Variants in PAK2 observed in about 807,000 individuals in gnomAD.
PAK2 encodes p21 (RAC1) activated kinase 2.
PAK2 carries 21 observed loss-of-function variants against 65.9 expected under a neutral mutation model. The ratio of observed to expected loss-of-function variants is 0.32; its 90% CI spans 0.23 to 0.46. The LOEUF (loss-of-function observed/expected upper bound fraction) is 0.46, where lower values mean the gene tolerates loss of function less well. PAK2 is among the 20% of genes least tolerant of loss of function. PAK2 has a pLI of 1.00. For missense variants in PAK2, 324 were observed against 642.6 expected, an observed-to-expected ratio of 0.50 and a Z score of 5.36; for synonymous variants, 204 against 219.7, an observed-to-expected ratio of 0.93 and a Z score of 0.63.
intron 1 of PAK2, among the ~76,000 whole-genome samples, chr3:196,741,055 T>C (rs1018551518): frequency 6.6e-6 from 1 of 152,238 alleles, no homozygotes; most frequent in African/African-American, 2.4e-5. Context: ...CCGGTTGATA[T>C]CATTATCTCA....
intron 11 of PAK2, among the ~76,000 whole-genome samples, chr3:196,815,489 CAAA>C (rs796383290): frequency 3.1e-5 from 3 of 96,202 alleles, no homozygotes; most frequent in Non-Finnish European, 4.4e-5. Context: ...AAGATTGTCT[CAAA>C]AAAAAAAAAA....
At position 196,807,901 on chromosome 3, in the gene PAK2, T is replaced by G; in HGVS notation, c.696T>G (p.Ile232Met). The G allele has an allele frequency of 6.3e-7, 1 of 1,586,898 alleles. No individual in the cohort carries two copies. The highest frequency in any genetic ancestry group is 1.1e-5 in the South Asian group (1 of 90,090). ...AGACTAAGATGACAGATGAAGAGATTATGGAGAAATTAAGTATGTTATCTA... is the reference window on the plus strand; with the variant it reads ...AGACTAAGATGACAGATGAAGAGATGATGGAGAAATTAAGTATGTTATCTA... ...KKKTKMTDEE[I>M]MEKLRTIVSI... The change falls in exon 7 of 15, where the codon ATT becomes ATG. Residue 232 changes from isoleucine (I) to methionine (M), a missense_variant. Around this residue, in one of 5 missense-constraint regions of PAK2, gnomAD observed 183 missense variants for 246.2 expected, o/e 0.74. Coordinates refer to ENST00000327134, the MANE Select transcript of PAK2 (RefSeq NM_002577.4).
At chr3:196,792,307 A>G (rs1011660951) in intron 2 of PAK2, among the ~76,000 whole-genome samples, 1 of 152,236 alleles carries the variant, frequency 6.6e-6, no homozygotes, top group Non-Finnish European at 1.5e-5. Context: ...TATGTAGGGT[A>G]TTCCGTTAGA....
At chr3:196,818,193 T>C (rs751426586) in intron 12 of PAK2, 37 bp downstream of exon 12, 6 of 809,360 alleles carry the variant, frequency 7.4e-6, no homozygotes, top group Non-Finnish European at 1.3e-5. Context: ...TCATTTATTA[T>C]AATTTTCTGC....
chr3:196,796,539 T>C (rs573396758), intron 2 of PAK2, among the ~76,000 whole-genome samples: 1 of 152,194 alleles, frequency 6.6e-6, no homozygotes, highest in African/African-American at 2.4e-5. Flanking sequence ...CTAAATATAC[T>C]AAAACCCATT....
At chr3:196,794,744 A>AG (rs1715193268) in intron 2 of PAK2, among the ~76,000 whole-genome samples, 2 of 152,150 alleles carry the variant, frequency 1.3e-5, no homozygotes, top group Non-Finnish European at 2.9e-5. Flanking sequence ...GTTCAGCAAC[A>AG]CCATGTTGTA....
intron 2 of PAK2, among the ~76,000 whole-genome samples, chr3:196,790,362 T>G (rs1358927373): frequency 6.6e-6 from 1 of 152,186 alleles, no homozygotes; most frequent in Non-Finnish European, 1.5e-5. Context: ...GCTGTTTTGT[T>G]GTCTAATGAA....
In PAK2 at chr3:196,782,602, T is replaced by C. The variant is rs1714750988; in HGVS notation, c.-21-24T>C. Reference sequence around the variant, plus strand: ...TTCGTGCTATTTTTTACTTTGTTACTAATTGTATTTTTTCCAATTCCAGGC... The same window carrying C: ...TTCGTGCTATTTTTTACTTTGTTACCAATTGTATTTTTTCCAATTCCAGGC... On this transcript the variant is annotated intron_variant, in intron 1 of 14. Transcript: ENST00000327134. 5.1e-6 allele frequency: 6 copies of C among 1,177,242 alleles called. No homozygotes were observed. The East Asian group carries it at 1.5e-4, about 29-fold the overall frequency. The allele number at this position is 1,177,242 out of a possible 1,614,324, so 72.9% of individuals were successfully genotyped here.
In PAK2 at chr3:196,782,557, T is replaced by G. The variant is rs1577718435; in HGVS notation, c.-21-69T>G. The G allele has an allele frequency of 5.8e-6, 4 of 693,062 alleles. No individual in the cohort carries two copies. In the Admixed American group the frequency reaches 7.7e-5, roughly 13 times the overall value. The allele number at this position is 693,062 out of a possible 1,614,324, so 42.9% of individuals were successfully genotyped here. A position where few individuals can be genotyped will look rare whatever the true frequency, so the allele number is the denominator to read the frequency against. On this transcript the variant is annotated intron_variant, in intron 1 of 14. Transcript: ENST00000327134. Reference sequence around the variant, plus strand: ...TAATTGGGAGTTGTGGCAGGGGTAGTTATTACTGTTTTTTGCTTGTTCGTG... The same window carrying G: ...TAATTGGGAGTTGTGGCAGGGGTAGGTATTACTGTTTTTTGCTTGTTCGTG...
intron 1 of PAK2, among the ~76,000 whole-genome samples, chr3:196,762,411 A>G (rs1714008911): frequency 7.2e-6 from 1 of 139,154 alleles, no homozygotes; most frequent in African/African-American, 2.7e-5. Context: ...GGCACCATTG[A>G]GCACTGAGTG....
intron 1 of PAK2, among the ~76,000 whole-genome samples, chr3:196,755,549 C>T (rs1388930586): frequency 1.3e-5 from 2 of 151,546 alleles, no homozygotes; most frequent in Non-Finnish European, 1.5e-5. Flanking sequence ...ACCTCTACTT[C>T]CCGGGTTCAA....
intron 1 of PAK2, among the ~76,000 whole-genome samples, chr3:196,763,775 G>A (rs1475004964): frequency 6.6e-6 from 1 of 152,112 alleles, no homozygotes; most frequent in African/African-American, 2.4e-5. Context: ...TCAGATCACT[G>A]TCTACAAAGA....
intron 1 of PAK2, among the ~76,000 whole-genome samples, chr3:196,772,941 T>C (rs769030640): frequency 3.2e-4 from 49 of 152,350 alleles, no homozygotes; most frequent in Non-Finnish European, 5.9e-4. Context: ...TGTTTTTCAG[T>C]AATAGATGGT....
At chr3:196,801,059 A>G (rs556044476) in intron 2 of PAK2, among the ~76,000 whole-genome samples, 15 of 152,126 alleles carry the variant, frequency 9.9e-5, no homozygotes, top group Admixed American at 4.6e-4. Context: ...ATAATTTACA[A>G]TCGGACCATA....
intron 1 of PAK2, among the ~76,000 whole-genome samples, chr3:196,764,991 C>T (rs1042143638): frequency 2.0e-5 from 3 of 151,068 alleles, no homozygotes; most frequent in African/African-American, 7.3e-5. Flanking sequence ...ACTACAGGCA[C>T]CCGCCACCAC....
intron 1 of PAK2, among the ~76,000 whole-genome samples, chr3:196,773,757 A>G (rs972828624): frequency 9.9e-5 from 15 of 152,214 alleles, no homozygotes; most frequent in East Asian, 3.9e-4. Context: ...TCCGCCTCCC[A>G]GCTACTTGGG....
chr3:196,741,447 C>G (rs971247233), intron 1 of PAK2, among the ~76,000 whole-genome samples: 9 of 152,154 alleles, frequency 5.9e-5, no homozygotes, highest in Non-Finnish European at 8.8e-5. Context: ...TTTTCATGTT[C>G]TGTTAGGAGT....
intron 2 of PAK2, among the ~76,000 whole-genome samples, chr3:196,793,966 A>T (rs1715162085): frequency 1.3e-5 from 2 of 152,064 alleles, no homozygotes; most frequent in Non-Finnish European, 2.9e-5. Flanking sequence ...TCCCATCTCT[A>T]CTAAAAATAC....
chr3:196,782,612 T>G lies in PAK2; in HGVS notation c.-21-14T>G. The stretch of plus-strand genomic sequence containing the variant: ...TTTTTACTTTGTTACTAATTGTATT[T>G]TTTCCAATTCCAGGCCATTTCATAA... On this transcript the variant is annotated splice_polypyrimidine_tract_variant and intron_variant, in intron 1 of 14. Transcript: ENST00000327134. 2 of 1,361,730 alleles carry G rather than the reference T, an allele frequency of 1.5e-6. No homozygotes were observed. The highest frequency in any genetic ancestry group is 2.0e-6 in the Non-Finnish European group (2 of 983,606). The allele number at this position is 1,361,730 out of a possible 1,614,324, so 84.4% of individuals were successfully genotyped here. A position where few individuals can be genotyped will look rare whatever the true frequency, so the allele number is the denominator to read the frequency against.
Sources: gnomAD v4.1 joint callset for allele counts (sites outside exome capture counted in the v4.1 genomes callset) on GRCh38, gnomAD v4.1.1 for gene constraint, gnomAD v4.1.1 regional missense constraint, MANE v1.5 for transcripts, NCBI Gene and HGNC (gene_info 2026-07-23, HGNC 2026-07-21) for gene names.